Variants in RBM27 observed in about 807,000 individuals in gnomAD.
RBM27 encodes the protein RNA-binding protein 27.
A neutral mutation model predicts 135.3 loss-of-function variants in RBM27; 22 were observed. The ratio of observed to expected loss-of-function variants is 0.16; its 90% CI spans 0.12 to 0.23. The LOEUF (loss-of-function observed/expected upper bound fraction) is 0.23. Ranked by LOEUF, RBM27 falls within the 10% of genes least tolerant of loss-of-function variation. RBM27 has a pLI of 1.00. For missense variants in RBM27, 1,009 were observed against 1,281.0 expected (o/e 0.79, Z 3.24); for synonymous variants, 481 against 442.4 (o/e 1.09, Z -1.10).
chr5:146,203,971 A>T, intron 1 of RBM27, 147 bp downstream of exon 1: 170 of 593,726 alleles, frequency 2.9e-4, no homozygotes, highest in Non-Finnish European at 3.1e-4. Flanking sequence ...TACTATCACC[A>T]TTGTGGTGGG....
intron 2 of RBM27, 57 bp downstream of exon 2, chr5:146,219,160 TC>T: frequency 7.8e-7 from 1 of 1,278,840 alleles, no homozygotes; most frequent in Non-Finnish European, 1.1e-6. Flanking sequence ...GTTTAAAACT[TC>T]CTGAAAAGTC....
At chr5:146,223,581 T>C (rs768944413) in intron 3 of RBM27, 54 bp downstream of exon 3, 5 of 1,551,170 alleles carry the variant, frequency 3.2e-6, no homozygotes, top group Non-Finnish European at 4.3e-6. Context: ...CTGTCACCAG[T>C]ATCCTTAGTT....
intron 19 of RBM27, among the ~76,000 whole-genome samples, chr5:146,277,487 C>T (rs916229573): frequency 2.0e-5 from 3 of 149,430 alleles, no homozygotes; most frequent in Non-Finnish European, 4.4e-5. Context: ...TTATATACAT[C>T]ATGTTAGATT....
chr5:146,220,489 A>AATAT (rs34220307), intron 2 of RBM27, among the ~76,000 whole-genome samples: 91 of 104,932 alleles, frequency 8.7e-4, no homozygotes, highest in Middle Eastern at 4.5e-3. Flanking sequence ...AAAAAAAAAA[A>AATAT]ATATATATAT....
chr5:146,226,311 G>A (rs755373802), intron 3 of RBM27, among the ~76,000 whole-genome samples: 2 of 151,936 alleles, frequency 1.3e-5, no homozygotes, highest in Non-Finnish European at 2.9e-5. Flanking sequence ...GAATCTCAGT[G>A]GTTTAGATGT....
intron 19 of RBM27, 93 bp from the exon 20 acceptor site, chr5:146,284,529 C>G: frequency 2.5e-6 from 2 of 804,980 alleles, no homozygotes; most frequent in Non-Finnish European, 4.3e-6. Context: ...TTCTCTCCTG[C>G]CCTATGTTAT....
intron 15 of RBM27, among the ~76,000 whole-genome samples, chr5:146,268,167 A>G (rs1356204808): frequency 1.3e-5 from 2 of 152,086 alleles, no homozygotes; most frequent in Admixed American, 6.6e-5. Flanking sequence ...TCTCAGTATA[A>G]TTAGAGATTT....
At chr5:146,213,386 A>G (rs1756053433) in intron 1 of RBM27, among the ~76,000 whole-genome samples, 2 of 152,190 alleles carry the variant, frequency 1.3e-5, no homozygotes, top group Middle Eastern at 3.4e-3. Context: ...GACGTGAGCC[A>G]CCACGCCCAG....
In RBM27 at chr5:146,223,500, C is replaced by A. The variant is rs764636602; in HGVS notation, c.276C>A (p.Val92=). The A allele has an allele frequency of 2.5e-6, 4 of 1,606,688 alleles. No homozygotes were observed. The South Asian group carries it at 4.5e-5, about 18-fold the overall frequency. Residue 92 remains valine, a synonymous_variant, in exon 3 of 21, where the codon GTC becomes GTA. Coordinates refer to ENST00000265271, the MANE Select transcript of RBM27 (RefSeq NM_018989.2). ...EPVKPEPKPL[V]QEKEEIKEEV... is the part of the protein sequence containing the mutation. The stretch of plus-strand genomic sequence containing the variant: ...TAAAGCCTGAGCCAAAACCACTAGT[C>A]CAAGAAAAAGAAGAAATTAAAGAAG...
chr5:146,242,102 T>C (rs571312490), intron 8 of RBM27, among the ~76,000 whole-genome samples: 2 of 152,074 alleles, frequency 1.3e-5, no homozygotes, highest in East Asian at 3.9e-4. Context: ...AAGGACAATC[T>C]TTTAATTAAA....
intron 19 of RBM27, among the ~76,000 whole-genome samples, chr5:146,275,772 G>T (rs186771715): frequency 3.3e-5 from 5 of 152,298 alleles, no homozygotes; most frequent in African/African-American, 1.2e-4. Context: ...TTGAAGGGAG[G>T]TTCGGCTAGA....
At position 146,233,549 on chromosome 5, in the gene RBM27, C is replaced by T; in HGVS notation, c.950C>T (p.Pro317Leu). 2 of 1,613,354 alleles carry T rather than the reference C, an allele frequency of 1.2e-6. No homozygotes were observed. Among genetic ancestry groups the T allele is most frequent in the Non-Finnish European group, 1.7e-6 (2 of 1,179,802 alleles). The change falls in exon 7 of 21, where the codon CCA becomes CTA. Residue 317 changes from proline (P) to leucine (L), a missense_variant. Transcript: ENST00000265271. ...GCTCTGCCAAGTATGATTCCTTTCC[C>T]ACCCCCTCCTCCTGGGCTTCCTCCT... ...EVALPSMIPFPPPPPGLPPPP... is the reference protein window; with the variant it reads ...EVALPSMIPFLPPPPGLPPPP...
intron 14 of RBM27, among the ~76,000 whole-genome samples, chr5:146,264,117 A>C (rs1475637360): frequency 3.3e-5 from 5 of 151,832 alleles, no homozygotes; most frequent in East Asian, 1.9e-4. Context: ...AAAAAAAAAA[A>C]ACACAAAAAA....
intron 1 of RBM27, among the ~76,000 whole-genome samples, chr5:146,214,966 C>G (rs144234217): frequency 1.7e-3 from 260 of 152,298 alleles, no homozygotes; most frequent in African/African-American, 6.0e-3. Context: ...ACTATCATAT[C>G]AAAATGTGTT....
Position 146,203,748 on chromosome 5 carries a change from GC to G in RBM27, c.-15del. 1 of 1,549,196 alleles carries G rather than the reference GC, an allele frequency of 6.5e-7. No individual in the cohort carries two copies. Among genetic ancestry groups the G allele is most frequent in the Non-Finnish European group, 8.7e-7 (1 of 1,145,878 alleles). On this transcript the variant is annotated 5_prime_UTR_variant, in exon 1 of 21. Transcript: ENST00000265271. Reference sequence around the variant, plus strand: ...AGGCCTGAAGAAGAGCGGCGGCCGAGCCCGCCTTCCCTGCACCATGCTCATA... The same window carrying G: ...AGGCCTGAAGAAGAGCGGCGGCCGAGCCGCCTTCCCTGCACCATGCTCATA...
intron 1 of RBM27, among the ~76,000 whole-genome samples, chr5:146,217,477 T>G (rs974896767): frequency 6.6e-5 from 9 of 136,276 alleles, no homozygotes; most frequent in South Asian, 2.5e-4. Flanking sequence ...TTTTTTTTTT[T>G]TTTTTTTTTT....
At chr5:146,208,561 G>T (rs1361379608) in intron 1 of RBM27, among the ~76,000 whole-genome samples, 1 of 152,170 alleles carries the variant, frequency 6.6e-6, no homozygotes, top group Non-Finnish European at 1.5e-5. Flanking sequence ...CTCAGTTCTT[G>T]TTTGGGGACT....
chr5:146,206,910 G>T (rs1755706241), intron 1 of RBM27, among the ~76,000 whole-genome samples: 1 of 152,046 alleles, frequency 6.6e-6, no homozygotes, highest in Non-Finnish European at 1.5e-5. Flanking sequence ...ACTCACCTAA[G>T]TAACAGTTTT....
chr5:146,237,258 A>G (rs776830141), intron 7 of RBM27, 40 bp from the exon 8 acceptor site: 56 of 1,612,088 alleles, frequency 3.5e-5, no homozygotes, highest in Non-Finnish European at 4.5e-5. Context: ...ATTAGGAAAT[A>G]TTAATGCTGT....
Sources: allele counts gnomAD v4.1 joint callset (sites outside exome capture counted in the v4.1 genomes callset), GRCh38; gene constraint gnomAD v4.1.1; transcripts MANE v1.5; gene names NCBI Gene and HGNC (gene_info 2026-07-23, HGNC 2026-07-21).